The following ADAMTSL3 variants were observed in gnomAD, a reference collection of about 807,000 sequenced individuals.
The protein encoded by ADAMTSL3 is ADAMTS like 3.
A neutral mutation model predicts 201.7 loss-of-function variants in ADAMTSL3; 128 were observed. The ratio of observed to expected loss-of-function variants is 0.63; its 90% CI spans 0.55 to 0.73. The LOEUF (loss-of-function observed/expected upper bound fraction) is 0.73. ADAMTSL3 is among the 30% of genes least tolerant of loss of function. The pLI, the probability that ADAMTSL3 is intolerant of heterozygous loss-of-function variation, is 0.00. For synonymous variants in ADAMTSL3, 738 were observed against 748.4 expected (o/e 0.99, Z 0.23); for missense variants, 1,990 against 2,119.6 (o/e 0.94, Z 1.20).
At chr15:84,006,029 G>C (rs554446533) in intron 23 of ADAMTSL3, among the ~76,000 whole-genome samples, 1 of 152,098 alleles carries the variant, frequency 6.6e-6, no homozygotes, top group Non-Finnish European at 1.5e-5. Flanking sequence ...AGAACAAAAG[G>C]GTATGCAGTT....
chr15:84,039,002 T>C lies in ADAMTSL3; in HGVS notation c.*1196T>C, dbSNP rs1296504907. On this transcript the variant is annotated 3_prime_UTR_variant, in exon 30 of 30. Transcript: ENST00000286744. ...AGATTGGGGCCAGTGCTGGTGTTAG[T>C]GATAGTGTCAGGATGGAGGTTAGGT... 1 of 152,550 alleles carries C rather than the reference T, an allele frequency of 6.6e-6. No homozygotes were observed. Among genetic ancestry groups the C allele is most frequent in the Non-Finnish European group, 1.5e-5 (1 of 68,068 alleles). The allele number at this position is 152,550 out of a possible 1,614,324, so 9.4% of individuals were successfully genotyped here. A position where few individuals can be genotyped will look rare whatever the true frequency, so the allele number is the denominator to read the frequency against.
In ADAMTSL3 at chr15:83,991,140, ATCTG is replaced by A; in HGVS notation, c.3905_3908del (p.Ser1302LeufsTer15). ...AATATCACCAAACCAGAGCACAACCATCTGTCTGTTGTGGTTGGAGGCATCGTGG... is the reference window on the plus strand; with the variant it reads ...AATATCACCAAACCAGAGCACAACCATCTGTTGTGGTTGGAGGCATCGTGG... On this transcript the variant is annotated frameshift_variant, in exon 23 of 30. Coordinates refer to ENST00000286744, the MANE Select transcript of ADAMTSL3 (RefSeq NM_207517.3). LOFTEE classifies it high-confidence loss of function. 6.2e-7 allele frequency: 1 copy of A among 1,614,206 alleles called. No homozygotes were observed. Among genetic ancestry groups the A allele is most frequent in the Non-Finnish European group, 8.5e-7 (1 of 1,180,024 alleles).
At chr15:83,752,489 A>G (rs1257922692) in intron 3 of ADAMTSL3, among the ~76,000 whole-genome samples, 1 of 151,162 alleles carries the variant, frequency 6.6e-6, no homozygotes, top group Non-Finnish European at 1.5e-5. Context: ...GCTTATGCAT[A>G]CACACACACA....
In ADAMTSL3 at chr15:84,000,461, A is replaced by C. The variant is rs559479540; in HGVS notation, c.3973+9247A>C. Among the ~76,000 whole-genome samples, 168 of 152,286 alleles carry C rather than the reference A, an allele frequency of 1.1e-3. 1 individual carries two copies. The Middle Eastern group carries it at 0.014, about 12-fold the overall frequency. On this transcript the variant is annotated intron_variant, in intron 23 of 29. Transcript: ENST00000286744. Reference sequence around the variant, plus strand: ...TATTCAGTCAAACAGCCAATCATAGATGGTTGGAAATTCCATCCATCTTTT... The same window carrying C: ...TATTCAGTCAAACAGCCAATCATAGCTGGTTGGAAATTCCATCCATCTTTT...
At chr15:83,798,678 A>T (rs759215563) in intron 4 of ADAMTSL3, among the ~76,000 whole-genome samples, 27 of 151,994 alleles carry the variant, frequency 1.8e-4, no homozygotes, top group Non-Finnish European at 3.8e-4. Flanking sequence ...TGGTCAGTGC[A>T]TGCCTGTAAT....
At chr15:83,884,954 C>T in intron 9 of ADAMTSL3, 147 bp from the exon 10 acceptor site, 1 of 587,422 alleles carries the variant, frequency 1.7e-6, no homozygotes, top group South Asian at 2.3e-5. Context: ...GTCATCACAT[C>T]TTAAACTTAT....
Position 83,655,800 on chromosome 15 carries a change from G to A in ADAMTSL3, c.39G>A (p.Gly13=), listed in dbSNP as rs931285610. The part of the protein sequence containing the change: ...SWTSPWWVLI[G]MVFMHSPLPQ... ...CGAGCCCCTGGTGGGTGCTGATAGG[G>A]ATGGTCTTCATGCACTCTCCCCTCC... The change falls in exon 2 of 30, where the codon GGG becomes GGA. Residue 13 remains glycine, a synonymous_variant. Transcript: ENST00000286744. 4.3e-6 allele frequency: 7 copies of A among 1,614,054 alleles called. No individual in the cohort carries two copies. Among genetic ancestry groups the A allele is most frequent in the Non-Finnish European group, 5.1e-6 (6 of 1,180,034 alleles).
At chr15:83,948,261 A>G (rs1447978997) in intron 19 of ADAMTSL3, among the ~76,000 whole-genome samples, 1 of 152,112 alleles carries the variant, frequency 6.6e-6, no homozygotes, top group Non-Finnish European at 1.5e-5. Context: ...ATCTCATCCC[A>G]ACTTGTGCTC....
At chr15:83,781,099 A>G (rs2063161060) in intron 4 of ADAMTSL3, among the ~76,000 whole-genome samples, 1 of 151,728 alleles carries the variant, frequency 6.6e-6, no homozygotes, top group South Asian at 2.1e-4. Context: ...CAGAACTAGA[A>G]AAAAAAAACT....
chr15:83,777,833 A>G (rs913448079), intron 4 of ADAMTSL3, among the ~76,000 whole-genome samples: 1 of 152,216 alleles, frequency 6.6e-6, no homozygotes, highest in African/African-American at 2.4e-5. Context: ...CTTGAGCTAT[A>G]GCAGTATGTT....
At chr15:83,669,146 GTATT>G (rs1272003840) in intron 2 of ADAMTSL3, among the ~76,000 whole-genome samples, 3 of 152,056 alleles carry the variant, frequency 2.0e-5, no homozygotes, top group Admixed American at 2.0e-4. Flanking sequence ...GGAGGAGTGA[GTATT>G]TATTTATTTT....
chr15:83,904,672 A>C (rs2065800785), intron 15 of ADAMTSL3, among the ~76,000 whole-genome samples: 2 of 152,232 alleles, frequency 1.3e-5, no homozygotes, highest in African/African-American at 4.8e-5. Flanking sequence ...ATGTGTTGAC[A>C]GTTGATATGG....
At chr15:83,938,277 A>G (rs180760411) in intron 17 of ADAMTSL3, among the ~76,000 whole-genome samples, 175 of 151,886 alleles carry the variant, frequency 1.2e-3, no homozygotes, top group Non-Finnish European at 2.0e-3. Context: ...CCCATATACC[A>G]CTTCCACTCG....
At chr15:83,676,625 C>T (rs541438495) in intron 2 of ADAMTSL3, among the ~76,000 whole-genome samples, 12 of 152,290 alleles carry the variant, frequency 7.9e-5, no homozygotes, top group South Asian at 2.1e-4. Context: ...TTGCAGTGAG[C>T]GGAGATTGCA....
intron 19 of ADAMTSL3, among the ~76,000 whole-genome samples, chr15:83,947,068 TGTTA>T (rs1331579134): frequency 2.6e-5 from 4 of 152,380 alleles, no homozygotes; most frequent in Middle Eastern, 3.4e-3. Flanking sequence ...AGCTTTCTCC[TGTTA>T]GTTAAAATTT....
At chr15:83,986,922 C>T (rs957687006) in intron 21 of ADAMTSL3, among the ~76,000 whole-genome samples, 10 of 152,204 alleles carry the variant, frequency 6.6e-5, no homozygotes, top group African/African-American at 2.4e-4. Context: ...GGTGGTTCTC[C>T]AGCCCAAGGA....
chr15:83,905,235 G>A (rs1270171998), intron 15 of ADAMTSL3, among the ~76,000 whole-genome samples: 2 of 152,220 alleles, frequency 1.3e-5, no homozygotes, highest in East Asian at 1.9e-4. Context: ...ACAGAGAAGT[G>A]AGTGACTGCA....
At chr15:83,724,967 T>G (rs1323019779) in intron 3 of ADAMTSL3, among the ~76,000 whole-genome samples, 1 of 152,146 alleles carries the variant, frequency 6.6e-6, no homozygotes, top group Non-Finnish European at 1.5e-5. Flanking sequence ...TCATGGACCC[T>G]TATGTTGCTT....
intron 8 of ADAMTSL3, among the ~76,000 whole-genome samples, chr15:83,865,784 G>A (rs1342821275): frequency 6.6e-6 from 1 of 152,158 alleles, no homozygotes; most frequent in Non-Finnish European, 1.5e-5. Flanking sequence ...AAATTAAAGA[G>A]CTTCTGCACA....
Sources: gnomAD v4.1 joint callset for allele counts (sites outside exome capture counted in the v4.1 genomes callset) on GRCh38, gnomAD v4.1.1 for gene constraint, MANE v1.5 for transcripts, NCBI Gene and HGNC (gene_info 2026-07-23, HGNC 2026-07-21) for gene names.